The following CBL variants were observed in gnomAD, a reference collection of about 807,000 sequenced individuals.
CBL encodes E3 ubiquitin-protein ligase CBL.
A neutral mutation model predicts 96.9 loss-of-function variants in CBL; 45 were observed. The observed-to-expected ratio is 0.46, with a 90% CI of 0.37 to 0.60. The LOEUF is 0.60. Among genes scored for constraint, CBL ranks in the 20% least tolerant of loss-of-function variants. The pLI is 0.00. For synonymous variants in CBL, 420 were observed against 426.8 expected (o/e 0.98, Z 0.20); for missense variants, 1,024 against 1,143.5 (o/e 0.90, Z 1.51).
At chr11:119,248,419 A>G (rs113429340) in intron 2 of CBL, among the ~76,000 whole-genome samples, 117 of 152,364 alleles carry the variant, frequency 7.7e-4, no homozygotes, top group Middle Eastern at 6.8e-3. Context: ...ATCACATTCA[A>G]AAGAATGAAG....
At chr11:119,214,283 C>A (rs546140380) in intron 1 of CBL, among the ~76,000 whole-genome samples, 13 of 151,662 alleles carry the variant, frequency 8.6e-5, no homozygotes, top group Admixed American at 7.9e-4. Flanking sequence ...CTCTGTCACC[C>A]AGGCTGGCGT....
intron 6 of CBL, 63 bp downstream of exon 6, chr11:119,276,197 A>T (rs1057365853): frequency 8.0e-6 from 12 of 1,494,054 alleles, no homozygotes; most frequent in Non-Finnish European, 1.1e-5. Context: ...CAACCTCATC[A>T]TTAATGACTT....
At chr11:119,209,109 A>G (rs934853607) in intron 1 of CBL, among the ~76,000 whole-genome samples, 7 of 152,184 alleles carry the variant, frequency 4.6e-5, no homozygotes, top group African/African-American at 1.7e-4. Context: ...ATACGTTTAT[A>G]CTGCTTTCCA....
At chr11:119,231,730 AG>A (rs1156294146) in intron 1 of CBL, among the ~76,000 whole-genome samples, 2 of 152,014 alleles carry the variant, frequency 1.3e-5, no homozygotes, top group Non-Finnish European at 2.9e-5. Context: ...AAACAAACAA[AG>A]CTCAAGACCC....
At chr11:119,249,234 T>C (rs1949653375) in intron 2 of CBL, among the ~76,000 whole-genome samples, 1 of 152,182 alleles carries the variant, frequency 6.6e-6, no homozygotes, top group African/African-American at 2.4e-5. Flanking sequence ...GTTATAGCCA[T>C]ATGGTGGAAT....
At position 119,285,032 on chromosome 11, in the gene CBL, C is replaced by A. The variant is rs778927765; in HGVS notation, c.1495C>A (p.Arg499=). 15 of 1,614,088 alleles carry A rather than the reference C, an allele frequency of 9.3e-6. No homozygotes were observed. In the Admixed American group the frequency reaches 2.3e-4, roughly 25 times the overall value. ...PQASLPPVPP[R]LDLLPQRVCV... is the part of the protein sequence containing the mutation. ...AGCTTCCCTTCCCCCGGTGCCACCACGACTTGACCTTCTGCCGCAGCGAGT... is the reference window on the plus strand; with the variant it reads ...AGCTTCCCTTCCCCCGGTGCCACCAAGACTTGACCTTCTGCCGCAGCGAGT... Residue 499 remains arginine, a synonymous_variant, in exon 10 of 16, where the codon CGA becomes AGA. Coordinates refer to ENST00000264033, the MANE Select transcript of CBL (RefSeq NM_005188.4).
intron 2 of CBL, among the ~76,000 whole-genome samples, chr11:119,256,342 G>A (rs1020866113): frequency 1.3e-5 from 2 of 151,880 alleles, no homozygotes; most frequent in African/African-American, 4.8e-5. Flanking sequence ...GCTACGCCCA[G>A]CTAATTTTTG....
chr11:119,213,302 C>T (rs1949333130), intron 1 of CBL, among the ~76,000 whole-genome samples: 1 of 152,148 alleles, frequency 6.6e-6, no homozygotes, highest in Non-Finnish European at 1.5e-5. Flanking sequence ...CACTCCCTCC[C>T]TTCCTTCTTA....
chr11:119,246,173 C>T (rs1388138527), intron 2 of CBL, among the ~76,000 whole-genome samples: 1 of 151,794 alleles, frequency 6.6e-6, no homozygotes, highest in African/African-American at 2.4e-5. Flanking sequence ...CAGGGTTTCA[C>T]TATGTTGGCC....
intron 1 of CBL, among the ~76,000 whole-genome samples, chr11:119,207,068 C>A (rs1355736737): frequency 6.6e-6 from 1 of 152,080 alleles, no homozygotes. Context: ...GAATTAGGTT[C>A]ATGGGCTCTG....
intron 9 of CBL, among the ~76,000 whole-genome samples, chr11:119,282,216 T>C (rs1404058956): frequency 3.3e-5 from 5 of 151,724 alleles, no homozygotes; most frequent in Admixed American, 6.6e-5. Context: ...CGCATGCCTA[T>C]AATCCCAGTT....
intron 2 of CBL, among the ~76,000 whole-genome samples, chr11:119,268,957 T>G (rs1338293407): frequency 1.3e-5 from 2 of 152,198 alleles, no homozygotes; most frequent in African/African-American, 2.4e-5. Flanking sequence ...TAATCTAGTT[T>G]AGGGACTACT....
chr11:119,283,056 C>T (rs1359058166), intron 9 of CBL, among the ~76,000 whole-genome samples: 5 of 152,182 alleles, frequency 3.3e-5, no homozygotes, highest in Non-Finnish European at 7.3e-5. Context: ...GTTTGTGCCA[C>T]TGCAGTCCAG....
At chr11:119,269,866 G>A (rs534990066) in intron 2 of CBL, among the ~76,000 whole-genome samples, 308 of 152,134 alleles carry the variant, frequency 2.0e-3, no homozygotes, top group Middle Eastern at 3.4e-3. Flanking sequence ...GCATGGTGGC[G>A]GGCGCCTGTA....
Position 119,306,655 on chromosome 11 carries a change from T to G in CBL, c.*6874T>G, listed in dbSNP as rs1009820496. On this transcript the variant is annotated 3_prime_UTR_variant, in exon 16 of 16. Coordinates refer to ENST00000264033, the MANE Select transcript of CBL (RefSeq NM_005188.4). ...GGAGAGGCAGAGAACTACTTATGAGTCTGTAGACCACGTGTTGTCTTCCAT... is the reference window on the plus strand; with the variant it reads ...GGAGAGGCAGAGAACTACTTATGAGGCTGTAGACCACGTGTTGTCTTCCAT... 6.4e-6 allele frequency: 2 copies of G among 311,292 alleles called. No homozygotes were observed. The highest frequency in any genetic ancestry group is 1.2e-5 in the Non-Finnish European group (2 of 169,978). The allele number at this position is 311,292 out of a possible 1,614,324, so 19.3% of individuals were successfully genotyped here.
At chr11:119,276,873 G>C (rs1020617363) in intron 6 of CBL, among the ~76,000 whole-genome samples, 1 of 152,200 alleles carries the variant, frequency 6.6e-6, no homozygotes, top group Non-Finnish European at 1.5e-5. Context: ...TTTGCATATT[G>C]TTACATTGCT....
intron 2 of CBL, among the ~76,000 whole-genome samples, chr11:119,250,022 T>A (rs1949659489): frequency 6.6e-6 from 1 of 152,186 alleles, no homozygotes; most frequent in African/African-American, 2.4e-5. Flanking sequence ...ATTTTTATCC[T>A]CAGTAAGAGT....
rs1950153424 is a variant in CBL at position 119,307,436 on chromosome 11, AC to A, written c.*7661del. 6 of 226,966 alleles carry A rather than the reference AC, an allele frequency of 2.6e-5. No individual in the cohort carries two copies. The highest frequency in any genetic ancestry group is 1.9e-4 in the South Asian group (1 of 5,354). 14.1% of individuals were successfully genotyped at this position (226,966 alleles called of 1,614,324 possible). ...GAACTGGTCTAGACCTCCTGCCCCC[AC>A]CCCCCAGCCCCCATCAGATGTGGCT... On this transcript the variant is annotated 3_prime_UTR_variant, in exon 16 of 16. Coordinates refer to ENST00000264033, the MANE Select transcript of CBL (RefSeq NM_005188.4).
Position 119,241,148 on chromosome 11 carries a change from T to G in CBL, c.443+8453T>G, listed in dbSNP as rs534257878. On this transcript the variant is annotated intron_variant, in intron 2 of 15. Coordinates refer to ENST00000264033, the MANE Select transcript of CBL (RefSeq NM_005188.4). ...GTATAGTATTGTTGCTTCATGATTT[T>G]ATTTTAGTTATTATTAGCTGGTTTA... is the stretch of plus-strand genomic sequence containing the variant. Among the ~76,000 whole-genome samples, 14 of 152,328 alleles carry G rather than the reference T, an allele frequency of 9.2e-5. No homozygotes were observed. In the South Asian group the frequency reaches 2.9e-3, roughly 32 times the overall value.
Sources: allele counts gnomAD v4.1 joint callset (sites outside exome capture counted in the v4.1 genomes callset), GRCh38; gene constraint gnomAD v4.1.1; transcripts MANE v1.5; gene names NCBI Gene and HGNC (gene_info 2026-07-23, HGNC 2026-07-21).